The following ARFGEF1 variants were observed in gnomAD, a reference collection of about 807,000 sequenced individuals.
ARFGEF1 encodes brefeldin A-inhibited guanine nucleotide-exchange protein 1.
ARFGEF1 carries 42 observed loss-of-function variants against 231.0 expected under a neutral mutation model. That is an observed-to-expected ratio of 0.18 (90% CI 0.14 to 0.24). The LOEUF is 0.24. Among genes scored for constraint, ARFGEF1 ranks in the 10% least tolerant of loss-of-function variants. The pLI is 1.00. For synonymous variants in ARFGEF1, 710 were observed against 732.3 expected, an observed-to-expected ratio of 0.97 and a Z score of 0.49; for missense variants, 1,345 against 2,192.0, an observed-to-expected ratio of 0.61 and a Z score of 7.72.
At chr8:67,188,565 TG>T (rs1325874729) in intron 5 of ARFGEF1, among the ~76,000 whole-genome samples, 1 of 152,198 alleles carries the variant, frequency 6.6e-6, no homozygotes, top group Non-Finnish European at 1.5e-5. Context: ...TCCCATTGTA[TG>T]GGAACTCTAT....
chr8:67,198,976 T>A lies in ARFGEF1; in HGVS notation c.5508A>T (p.Ile1836=), dbSNP rs1838211199. The A allele has an allele frequency of 2.2e-5, 35 of 1,613,130 alleles. No homozygotes were observed. In the East Asian group the frequency reaches 7.8e-4, roughly 36 times the overall value. Residue 1836 remains isoleucine, a synonymous_variant, in exon 39 of 39, where the codon ATA becomes ATT. Transcript: ENST00000262215. ...CAAGTTCCTGTTCAGGTGGTTGTGA[T>A]ATCTGAAAAACTACTCCGATTCGCA... ...FFLRIGVVFQ[I]SQPPEQELGI...
intron 5 of ARFGEF1, chr8:67,177,842 T>C (rs1286743420): frequency 2.5e-6 from 2 of 786,706 alleles, no homozygotes; most frequent in Admixed American, 1.8e-5. Context: ...ATTAAGAACG[T>C]AAGTCTTATC....
intron 37 of ARFGEF1, 31 bp from the exon 38 acceptor site, chr8:67,200,544 C>T (rs916330752): frequency 7.5e-7 from 1 of 1,340,412 alleles, no homozygotes; most frequent in African/African-American, 1.5e-5. Flanking sequence ...TTTAATGTTA[C>T]TTGCGTATCT....
At chr8:67,219,618 AAT>A in intron 29 of ARFGEF1, 58 bp from the exon 30 acceptor site, 1 of 1,512,262 alleles carries the variant, frequency 6.6e-7, no homozygotes, top group South Asian at 1.3e-5. Flanking sequence ...CTTCTCCTAA[AAT>A]AGTTTTTAGA....
rs181352372 is a variant in ARFGEF1 at position 67,233,614 on chromosome 8, T to A, written c.3290-669A>T. 1.8e-4 allele frequency among the ~76,000 whole-genome samples: 27 copies of A among 152,152 alleles called. No homozygotes were observed. In the East Asian group the frequency reaches 5.2e-3, roughly 29 times the overall value. On this transcript the variant is annotated intron_variant, in intron 22 of 38. Transcript: ENST00000262215. ...CATTCCTACCTAGTTCTGGCCCTCA[T>A]AATCTCAGTCCTAGATTACTGAAAC...
intron 19 of ARFGEF1, among the ~76,000 whole-genome samples, chr8:67,242,889 G>A (rs530648983): frequency 7.2e-5 from 11 of 152,288 alleles, no homozygotes; most frequent in East Asian, 3.9e-4. Flanking sequence ...AGTACTCTCC[G>A]TGGGCCTGTG....
At chr8:67,312,445 GT>G (rs1807117453) in intron 1 of ARFGEF1, among the ~76,000 whole-genome samples, 1 of 152,050 alleles carries the variant, frequency 6.6e-6, no homozygotes, top group Non-Finnish European at 1.5e-5. Flanking sequence ...GAAAAGATCT[GT>G]CACCCAGAGT....
chr8:67,229,121 C>T (rs183842743), intron 23 of ARFGEF1, among the ~76,000 whole-genome samples: 1 of 152,150 alleles, frequency 6.6e-6, no homozygotes, highest in East Asian at 1.9e-4. Context: ...TATCAATATT[C>T]ACTCATTTGA....
rs1195463388 is a variant in ARFGEF1 at position 67,200,406 on chromosome 8, C to G, written c.5375G>C (p.Ser1792Thr). ...AAGCCTCATACTTACCCTATTATCACTTATCTTTAGAACTTTAGTTAGAAA... is the reference window on the plus strand; with the variant it reads ...AAGCCTCATACTTACCCTATTATCAGTTATCTTTAGAACTTTAGTTAGAAA... ...LLFLTKVLKI[S>T]DNRFKAHASF... The change falls in exon 38 of 39, where the codon AGT becomes ACT. Residue 1792 changes from serine to threonine, a missense_variant. Physicochemically the swap from Ser to Thr is moderately conservative, Grantham distance 58 (BLOSUM62 1). This residue lies in a region of ARFGEF1 where 161 missense variants were observed against 284.9 expected (regional missense o/e 0.57). Coordinates refer to ENST00000262215, the MANE Select transcript of ARFGEF1 (RefSeq NM_006421.5). 6.4e-7 allele frequency: 1 copy of G among 1,562,922 alleles called. No homozygotes were observed. Among genetic ancestry groups the G allele is most frequent in the Non-Finnish European group, 8.8e-7 (1 of 1,133,580 alleles).
intron 5 of ARFGEF1, among the ~76,000 whole-genome samples, chr8:67,187,679 G>A (rs1305791584): frequency 1.3e-5 from 2 of 152,054 alleles, no homozygotes; most frequent in Non-Finnish European, 2.9e-5. Flanking sequence ...GAAAGACCTT[G>A]TCTCAAAAAA....
chr8:67,224,536 C>T (rs1247181943), intron 29 of ARFGEF1, among the ~76,000 whole-genome samples: 2 of 152,104 alleles, frequency 1.3e-5, no homozygotes, highest in Non-Finnish European at 2.9e-5. Flanking sequence ...CAAGGATGTG[C>T]AGTTAAAAAT....
Position 67,332,587 on chromosome 8 carries a change from G to A in ARFGEF1, c.124+10577C>T, listed in dbSNP as rs546844289. ...GATGAACACATGAATATTTACCCTG[G>A]AGATTCACTGAAATGTACATGGCAA... On this transcript the variant is annotated intron_variant, in intron 1 of 38. Coordinates refer to ENST00000262215, the MANE Select transcript of ARFGEF1 (RefSeq NM_006421.5). Among the ~76,000 whole-genome samples the A allele has an allele frequency of 1.6e-3, 243 of 152,274 alleles. 1 individual carries two copies. Among genetic ancestry groups the A allele is most frequent in the African/African-American group, 5.2e-3 (215 of 41,556 alleles).
chr8:67,223,408 C>T (rs959665207), intron 29 of ARFGEF1, among the ~76,000 whole-genome samples: 19 of 151,990 alleles, frequency 1.3e-4, no homozygotes, highest in Non-Finnish European at 2.6e-4. Context: ...CACTATGTTG[C>T]CTAGGTTGGT....
intron 22 of ARFGEF1, 86 bp downstream of exon 22, chr8:67,238,257 C>T (rs1193256849): frequency 1.1e-5 from 15 of 1,340,726 alleles, no homozygotes; most frequent in East Asian, 2.5e-5. Flanking sequence ...TTATCTTCTC[C>T]TTCTAATTAT....
Position 67,214,868 on chromosome 8 carries a change from C to T in ARFGEF1, c.4686+1722G>A, listed in dbSNP as rs1380908161. ...GGCAGAAAATGGGTCAACAGAGCTA[C>T]AAACGTGCTAACCTTTAAGAAAAAG... On this transcript the variant is annotated intron_variant, in intron 33 of 38. Transcript: ENST00000262215. Among the ~76,000 whole-genome samples, 5 of 152,296 alleles carry T rather than the reference C, an allele frequency of 3.3e-5. No homozygotes were observed. In the South Asian group the frequency reaches 6.2e-4, roughly 19 times the overall value.
At chr8:67,266,302 A>G (rs2128893796) in intron 13 of ARFGEF1, 95 bp from the exon 14 acceptor site, 5 of 908,202 alleles carry the variant, frequency 5.5e-6, no homozygotes, top group South Asian at 4.9e-5. Context: ...AGGCGTTTCA[A>G]TGTTGCTTAG....
In ARFGEF1 at chr8:67,224,955, G is replaced by C. The variant is rs1368615255; in HGVS notation, c.4156C>G (p.Leu1386Val). The C allele has an allele frequency of 6.2e-7, 1 of 1,606,284 alleles. No homozygotes were observed. ...RVWVRGWFPI[L>V]FELSCIINRC... is the part of the protein sequence containing the mutation. ...TTGATGATACAGGATAACTCAAAGAGAATTGGGAACCATCCTCTCACCCAC... is the reference window on the plus strand; with the variant it reads ...TTGATGATACAGGATAACTCAAAGACAATTGGGAACCATCCTCTCACCCAC... The change falls in exon 29 of 39, where the codon CTC becomes GTC. Residue 1386 changes from leucine to valine, a missense_variant. Physicochemically the swap from Leu to Val is conservative, Grantham distance 32 (BLOSUM62 1). Transcript: ENST00000262215.
intron 34 of ARFGEF1, chr8:67,206,947 T>TG (rs762856481): frequency 5.9e-5 from 9 of 152,206 alleles, no homozygotes; most frequent in Non-Finnish European, 1.0e-4. Flanking sequence ...TTAGGGATTT[T>TG]GGGGGGCAGA....
intron 18 of ARFGEF1, among the ~76,000 whole-genome samples, chr8:67,252,517 C>T (rs1840329231): frequency 6.6e-6 from 1 of 152,020 alleles, no homozygotes; most frequent in South Asian, 2.1e-4. Flanking sequence ...ATATAATATT[C>T]TTTTCTCCTG....
Sources: allele counts gnomAD v4.1 joint callset (sites outside exome capture counted in the v4.1 genomes callset), GRCh38; gene constraint gnomAD v4.1.1; regional missense constraint gnomAD v4.1.1; transcripts MANE v1.5; gene names NCBI Gene and HGNC (gene_info 2026-07-23, HGNC 2026-07-21).